RAB6A: variants seen among roughly 807,000 people sequenced by gnomAD.
The protein encoded by RAB6A is RAB6A, member RAS oncogene family.
RAB6A carries 8 observed loss-of-function variants against 32.3 expected under a neutral mutation model. The observed-to-expected ratio is 0.25, with a 90% CI of 0.15 to 0.45. The LOEUF (loss-of-function observed/expected upper bound fraction) is 0.45. Among genes scored for constraint, RAB6A ranks in the 20% least tolerant of loss-of-function variants. The probability of loss-of-function intolerance (pLI) is 1.00; values close to 1 mark genes in which losing one functional copy is unlikely to be tolerated. For missense variants in RAB6A, 104 were observed against 249.4 expected (o/e 0.42, Z 3.93); for synonymous variants, 73 against 82.1 (o/e 0.89, Z 0.60).
chr11:73,698,543 T>C (rs904881085), intron 6 of RAB6A, among the ~76,000 whole-genome samples: 1 of 152,196 alleles, frequency 6.6e-6, no homozygotes, highest in Non-Finnish European at 1.5e-5. Context: ...AGGAAAGTTA[T>C]ATAATTTCTA....
At chr11:73,681,836 A>C (rs546789734) in intron 6 of RAB6A, among the ~76,000 whole-genome samples, 321 of 152,274 alleles carry the variant, frequency 2.1e-3, no homozygotes, top group Non-Finnish European at 3.3e-3. Flanking sequence ...AAATGTATAA[A>C]GGAGCAAATT....
At chr11:73,696,642 C>T (rs1455601091) in intron 6 of RAB6A, among the ~76,000 whole-genome samples, 1 of 152,016 alleles carries the variant, frequency 6.6e-6, no homozygotes, top group Non-Finnish European at 1.5e-5. Flanking sequence ...TTTCTTGAGA[C>T]AAGGTCTTGC....
intron 7 of RAB6A, 71 bp from the exon 8 acceptor site, chr11:73,678,033 G>C: frequency 6.7e-7 from 1 of 1,484,528 alleles, no homozygotes; most frequent in Non-Finnish European, 9.4e-7. Flanking sequence ...AGCATTTCTG[G>C]GATGGCCCTT....
intron 1 of RAB6A, among the ~76,000 whole-genome samples, chr11:73,731,288 T>G (rs1472869574): frequency 6.6e-6 from 1 of 152,070 alleles, no homozygotes; most frequent in African/African-American, 2.4e-5. Flanking sequence ...TTCACGCCTG[T>G]AATCCCAGCA....
chr11:73,714,804 A>G (rs1408695206), intron 5 of RAB6A, among the ~76,000 whole-genome samples: 2 of 152,060 alleles, frequency 1.3e-5, no homozygotes, highest in East Asian at 1.9e-4. Context: ...CGTCTCTACT[A>G]AAAATACAAA....
At chr11:73,703,794 G>A (rs1467778555) in intron 6 of RAB6A, among the ~76,000 whole-genome samples, 1 of 150,524 alleles carries the variant, frequency 6.6e-6, no homozygotes, top group Non-Finnish European at 1.5e-5. Context: ...GAAGGGCTGG[G>A]CGCCGTGGCT....
At chr11:73,710,602 C>T (rs943543211) in intron 5 of RAB6A, among the ~76,000 whole-genome samples, 9 of 151,870 alleles carry the variant, frequency 5.9e-5, no homozygotes, top group South Asian at 2.1e-4. Flanking sequence ...CTGGGTGTGG[C>T]GGTGCATCCC....
intron 1 of RAB6A, among the ~76,000 whole-genome samples, chr11:73,756,767 C>T (rs564437021): frequency 6.6e-6 from 1 of 152,262 alleles, no homozygotes; most frequent in South Asian, 2.1e-4. Context: ...ACCTCCACCT[C>T]CTGGGTTGCA....
chr11:73,700,727 T>C (rs900098210), intron 6 of RAB6A, among the ~76,000 whole-genome samples: 4 of 151,954 alleles, frequency 2.6e-5, no homozygotes, highest in Non-Finnish European at 5.9e-5. Context: ...TTAAATATGC[T>C]ATATAATACA....
chr11:73,735,101 A>C lies in RAB6A; in HGVS notation c.71-4278T>G, dbSNP rs138579003. Among the ~76,000 whole-genome samples the C allele has an allele frequency of 3.1e-3, 475 of 152,348 alleles. 3 individuals carry two copies. The highest frequency in any genetic ancestry group is 8.8e-3 in the African/African-American group (365 of 41,596). ...CCAGAAACAAAATAGAAATTCTAGC[A>C]CAATTTCAACATTTATAATAACATT... On this transcript the variant is annotated intron_variant, in intron 1 of 7. Coordinates refer to ENST00000336083, the MANE Select transcript of RAB6A (RefSeq NM_198896.2).
At chr11:73,709,659 A>G (rs1945909967) in intron 5 of RAB6A, among the ~76,000 whole-genome samples, 1 of 149,908 alleles carries the variant, frequency 6.7e-6, no homozygotes, top group Non-Finnish European at 1.5e-5. Context: ...TCTGGCCCAG[A>G]TGCCTAATTT....
chr11:73,714,001 G>A (rs1946008712), intron 5 of RAB6A, among the ~76,000 whole-genome samples: 1 of 151,676 alleles, frequency 6.6e-6, no homozygotes, highest in Non-Finnish European at 1.5e-5. Flanking sequence ...GACCAGCCTG[G>A]CCAACATGGG....
chr11:73,701,788 G>C (rs1487900860), intron 6 of RAB6A, among the ~76,000 whole-genome samples: 2 of 152,098 alleles, frequency 1.3e-5, no homozygotes, highest in African/African-American at 4.8e-5. Context: ...AAGTAGTTGG[G>C]ACTACCACGC....
chr11:73,718,460 A>T (rs1352151938), intron 4 of RAB6A, among the ~76,000 whole-genome samples, 153 bp downstream of exon 4: 1 of 152,216 alleles, frequency 6.6e-6, no homozygotes, highest in Non-Finnish European at 1.5e-5. Context: ...ATAAACACCA[A>T]AGCAAATATT....
intron 2 of RAB6A, among the ~76,000 whole-genome samples, chr11:73,721,502 G>C (rs1946132684): frequency 6.6e-6 from 1 of 152,162 alleles, no homozygotes; most frequent in Non-Finnish European, 1.5e-5. Context: ...TTGCCTGGCT[G>C]CTGTTTTCCC....
chr11:73,677,359 G>C lies in RAB6A; in HGVS notation c.*539C>G, dbSNP rs1285154520. On this transcript the variant is annotated 3_prime_UTR_variant, in exon 8 of 8. Transcript: ENST00000336083. ...ATAATTTTGGACATCTTGGTCCGTA[G>C]CCTACAGCAAGTGGTATCTGTAAAA... is the stretch of plus-strand genomic sequence containing the variant. The C allele has an allele frequency of 5.8e-6, 1 of 172,758 alleles. No individual in the cohort carries two copies. The highest frequency in any genetic ancestry group is 2.4e-5 in the African/African-American group (1 of 41,572). 10.7% of individuals were successfully genotyped at this position (172,758 alleles called of 1,614,324 possible). A position where few individuals can be genotyped will look rare whatever the true frequency, so the allele number is the denominator to read the frequency against.
At chr11:73,682,009 C>T (rs2134864209) in intron 6 of RAB6A, among the ~76,000 whole-genome samples, 1 of 152,206 alleles carries the variant, frequency 6.6e-6, no homozygotes, top group East Asian at 1.9e-4. Flanking sequence ...AGCTGTAAGA[C>T]TTTGAATTGC....
At chr11:73,718,787 G>C (rs1946089743) in intron 3 of RAB6A, 69 bp from the exon 4 acceptor site, 1 of 1,613,982 alleles carries the variant, frequency 6.2e-7, no homozygotes, top group African/African-American at 1.3e-5. Flanking sequence ...ATACCTACTT[G>C]TGATATCGTA....
In RAB6A at chr11:73,718,157, C is replaced by T. The variant is rs150806471; in HGVS notation, c.289+456G>A. On this transcript the variant is annotated intron_variant, in intron 4 of 7. Transcript: ENST00000336083. ...TACATTATGTTTTCTCTGTCTTCCT[C>T]TACAGAGAGAGAATGGCTGGAAGGG... Among the ~76,000 whole-genome samples, 677 of 152,274 alleles carry T rather than the reference C, an allele frequency of 4.4e-3. 3 individuals are homozygous for T. Among genetic ancestry groups the T allele is most frequent in the Non-Finnish European group, 6.2e-3 (424 of 68,030 alleles).
Sources: gnomAD v4.1 joint callset for allele counts (sites outside exome capture counted in the v4.1 genomes callset) on GRCh38, gnomAD v4.1.1 for gene constraint, MANE v1.5 for transcripts, NCBI Gene and HGNC (gene_info 2026-07-23, HGNC 2026-07-21) for gene names.